The following CHD6 variants were observed in gnomAD, a reference collection of about 807,000 sequenced individuals.
CHD6 encodes chromodomain helicase DNA binding protein 6.
Under a neutral mutation model 276.9 loss-of-function variants are expected in CHD6, and 50 were observed. The ratio of observed to expected loss-of-function variants is 0.18; its 90% CI spans 0.14 to 0.23. CHD6 has a LOEUF of 0.23. CHD6 is among the 10% of genes least tolerant of loss of function. CHD6 has a pLI of 1.00. For synonymous variants in CHD6, 1,173 were observed against 1,229.3 expected (o/e 0.95, Z 0.96); for missense variants, 2,564 against 3,365.8 (o/e 0.76, Z 5.89).
chr20:41,518,439 C>G (rs956971084), intron 3 of CHD6, among the ~76,000 whole-genome samples: 8 of 152,054 alleles, frequency 5.3e-5, no homozygotes, highest in African/African-American at 1.9e-4. Context: ...TTTTGAGCAA[C>G]ATGTTAAATG....
In CHD6 at chr20:41,417,294, T is replaced by A. The variant is rs1256275399; in HGVS notation, c.6183A>T (p.Thr2061=). 1 of 1,614,210 alleles carries A rather than the reference T, an allele frequency of 6.2e-7. No homozygotes were observed. Among genetic ancestry groups the A allele is most frequent in the Non-Finnish European group, 8.5e-7 (1 of 1,180,030 alleles). ...CCTGTAGCTCATCCCCAATGTCTCCTGTGATGCCCGATGTTGAGCTCTTGC... is the reference window on the plus strand; with the variant it reads ...CCTGTAGCTCATCCCCAATGTCTCCAGTGATGCCCGATGTTGAGCTCTTGC... The part of the protein sequence containing the change: ...EESKSSTSGI[T]GDIGDELQEA... The change falls in exon 32 of 37, where the codon ACA becomes ACT. Residue 2061 remains threonine (T), a synonymous_variant. Coordinates refer to ENST00000373233, the MANE Select transcript of CHD6 (RefSeq NM_032221.5).
rs1348667056 is a variant in CHD6 at position 41,421,757 on chromosome 20, T to C, written c.4878A>G (p.Pro1626=). 2 of 1,614,216 alleles carry C rather than the reference T, an allele frequency of 1.2e-6. No homozygotes were observed. The highest frequency in any genetic ancestry group is 2.2e-5 in the East Asian group (1 of 44,884). The change falls in exon 31 of 37, where the codon CCA becomes CCG. Residue 1626 remains proline (P), a synonymous_variant. Coordinates refer to ENST00000373233, the MANE Select transcript of CHD6 (RefSeq NM_032221.5). ...AQHKRSGTQA[P]GNLCCLYQTN... is the part of the protein sequence containing the mutation. ...TCTGGTAAAGGCAACAGAGATTTCC[T>C]GGTGCCTGGGTGCCAGATCTTTTAT...
At chr20:41,413,689 A>C in intron 34 of CHD6, 174 bp from the exon 35 acceptor site, 1 of 497,954 alleles carries the variant, frequency 2.0e-6, no homozygotes, top group Non-Finnish European at 3.5e-6. Context: ...CGCCCACATA[A>C]GCTCTTGCAA....
intron 27 of CHD6, among the ~76,000 whole-genome samples, chr20:41,436,996 G>A (rs1600854250): frequency 6.6e-6 from 1 of 152,100 alleles, no homozygotes; most frequent in Non-Finnish European, 1.5e-5. Context: ...ACTGCAAGAC[G>A]CCACTACGAG....
Position 41,421,001 on chromosome 20 carries a change from T to C in CHD6, c.5634A>G (p.Leu1878=), listed in dbSNP as rs2047171701. The change falls in exon 31 of 37, where the codon TTA becomes TTG. Residue 1878 remains leucine (L), a synonymous_variant. Transcript: ENST00000373233. ...EEEEENEEEN[L]AMAVGMGERP... ...TTTCCCCCATGCCTACTGCCATGGCTAAGTTTTCCTCCTCGTTTTCCTCCT... is the reference window on the plus strand; with the variant it reads ...TTTCCCCCATGCCTACTGCCATGGCCAAGTTTTCCTCCTCGTTTTCCTCCT... 6.2e-7 allele frequency: 1 copy of C among 1,614,100 alleles called. No homozygotes were observed. Among genetic ancestry groups the C allele is most frequent in the Non-Finnish European group, 8.5e-7 (1 of 1,180,016 alleles).
chr20:41,533,213 T>C lies in CHD6; in HGVS notation c.391A>G (p.Arg131Gly). 6.2e-7 allele frequency: 1 copy of C among 1,613,782 alleles called. No homozygotes were observed. Among genetic ancestry groups the C allele is most frequent in the Non-Finnish European group, 8.5e-7 (1 of 1,180,018 alleles). Reference protein sequence around the residue: ...KREPKEPKEPRKAKEPKKAKE... With the variant: ...KREPKEPKEPGKAKEPKKAKE... ...GCCTTCTTCGGCTCCTTGGCCTTTCTGGGTTCCTTTGGCTCTTTCGGTTCT... is the reference window on the plus strand; with the variant it reads ...GCCTTCTTCGGCTCCTTGGCCTTTCCGGGTTCCTTTGGCTCTTTCGGTTCT... The change falls in exon 3 of 37, where the codon AGA becomes GGA. Residue 131 changes from arginine to glycine, a missense_variant. By Grantham distance (125) the Arg-to-Gly change is moderately radical. Transcript: ENST00000373233.
intron 3 of CHD6, among the ~76,000 whole-genome samples, chr20:41,519,538 T>A (rs1019344639): frequency 2.0e-5 from 3 of 152,128 alleles, no homozygotes; most frequent in African/African-American, 7.2e-5. Flanking sequence ...TAGACAGCTA[T>A]AAAAACAATT....
intron 31 of CHD6, 45 bp downstream of exon 31, chr20:41,420,463 G>A (rs1261995207): frequency 1.9e-6 from 3 of 1,551,164 alleles, no homozygotes; most frequent in East Asian, 2.2e-5. Flanking sequence ...CCCGTCGTGT[G>A]TGAACTAGTT....
rs373812768 is a variant in CHD6, at chr20:41,457,066, C to T, written c.2829+198G>A. Among the ~76,000 whole-genome samples the T allele has an allele frequency of 7.5e-4, 115 of 152,324 alleles. 1 individual carries two copies. The highest frequency in any genetic ancestry group is 2.6e-3 in the African/African-American group (110 of 41,574). Reference sequence around the variant, plus strand: ...CAATCCTACCTCATAACTGCTTCTACGGATTTCCTTTAACCACCCAGAAAA... The same window carrying T: ...CAATCCTACCTCATAACTGCTTCTATGGATTTCCTTTAACCACCCAGAAAA... On this transcript the variant is annotated intron_variant, in intron 18 of 36. Transcript: ENST00000373233.
intron 30 of CHD6, 84 bp downstream of exon 30, chr20:41,423,408 G>T: frequency 7.6e-7 from 1 of 1,319,358 alleles, no homozygotes; most frequent in South Asian, 1.2e-5. Flanking sequence ...AGTTTTTATA[G>T]GTATACCTAA....
intron 17 of CHD6, among the ~76,000 whole-genome samples, chr20:41,471,595 G>A (rs1017413374): frequency 7.2e-5 from 11 of 151,866 alleles, no homozygotes; most frequent in Non-Finnish European, 1.5e-4. Flanking sequence ...GAGTGCAGTG[G>A]CACAATCTCG....
intron 1 of CHD6, among the ~76,000 whole-genome samples, chr20:41,591,134 T>C (rs1363689508): frequency 1.4e-5 from 2 of 145,936 alleles, no homozygotes; most frequent in East Asian, 4.0e-4. Flanking sequence ...TGCTGCATGT[T>C]CTCACTCATA....
At chr20:41,490,255 G>A (rs1350763822) in intron 11 of CHD6, among the ~76,000 whole-genome samples, 3 of 152,074 alleles carry the variant, frequency 2.0e-5, no homozygotes, top group Non-Finnish European at 2.9e-5. Context: ...TAAGGATGGG[G>A]TCACACTCCG....
chr20:41,553,756 G>A (rs557684604), intron 1 of CHD6, among the ~76,000 whole-genome samples: 5 of 152,310 alleles, frequency 3.3e-5, no homozygotes, highest in East Asian at 1.9e-4. Context: ...TTTTGTCTCC[G>A]TGCTGACTTT....
chr20:41,592,710 AG>A (rs948427926), intron 1 of CHD6, among the ~76,000 whole-genome samples: 1 of 152,186 alleles, frequency 6.6e-6, no homozygotes, highest in African/African-American at 2.4e-5. Flanking sequence ...GACTAAGGGA[AG>A]GAACAAAAAG....
chr20:41,436,320 C>T (rs1455553981), intron 27 of CHD6, among the ~76,000 whole-genome samples: 1 of 152,166 alleles, frequency 6.6e-6, no homozygotes, highest in Non-Finnish European at 1.5e-5. Flanking sequence ...TTGCTACACA[C>T]CTACCAGAAT....
intron 17 of CHD6, among the ~76,000 whole-genome samples, chr20:41,458,180 T>C (rs187328217): frequency 5.4e-4 from 83 of 152,348 alleles, no homozygotes; most frequent in Middle Eastern, 6.8e-3. Context: ...ATCTTTCTTT[T>C]GAATTGATGA....
At chr20:41,446,798 G>A (rs544291291) in intron 24 of CHD6, among the ~76,000 whole-genome samples, 3 of 152,310 alleles carry the variant, frequency 2.0e-5, no homozygotes, top group African/African-American at 7.2e-5. Flanking sequence ...AACCTGAAGA[G>A]CAGCAGTAAG....
At chr20:41,470,551 G>T (rs2043030227) in intron 17 of CHD6, among the ~76,000 whole-genome samples, 1 of 152,150 alleles carries the variant, frequency 6.6e-6, no homozygotes, top group African/African-American at 2.4e-5. Context: ...CACTAGTAAA[G>T]TTCACACTAT....
Sources: allele counts gnomAD v4.1 joint callset (sites outside exome capture counted in the v4.1 genomes callset), GRCh38; gene constraint gnomAD v4.1.1; transcripts MANE v1.5; gene names NCBI Gene and HGNC (gene_info 2026-07-23, HGNC 2026-07-21).